Variants in AP3B1 observed in about 807,000 individuals in gnomAD.
AP3B1 encodes adaptor related protein complex 3 subunit beta 1, also known as AP-3 complex subunit beta-1.
Under a neutral mutation model 132.5 loss-of-function variants are expected in AP3B1, and 61 were observed. The observed-to-expected ratio is 0.46, with a 90% CI of 0.37 to 0.57. The LOEUF (loss-of-function observed/expected upper bound fraction) is 0.57, where lower values mean the gene tolerates loss of function less well. Among genes scored for constraint, AP3B1 ranks in the 20% least tolerant of loss-of-function variants. AP3B1 has a pLI of 0.00. For synonymous variants in AP3B1, 388 were observed against 438.3 expected, an observed-to-expected ratio of 0.89 and a Z score of 1.43; for missense variants, 1,120 against 1,289.4, an observed-to-expected ratio of 0.87 and a Z score of 2.01.
chr5:78,294,642 C>G lies in AP3B1; in HGVS notation c.-63G>C. On this transcript the variant is annotated 5_prime_UTR_variant, in exon 1 of 27. Transcript: ENST00000255194. The stretch of plus-strand genomic sequence containing the variant: ...GGGGTTCTCTCCAAAAGGTTCCAGT[C>G]CAGAGGGCACGGAACAAAACTAGTT... 6.2e-7 allele frequency: 1 copy of G among 1,610,272 alleles called. No individual in the cohort carries two copies. The highest frequency in any genetic ancestry group is 1.1e-5 in the South Asian group (1 of 91,000).
chr5:78,210,648 G>C (rs566823417), intron 7 of AP3B1, among the ~76,000 whole-genome samples: 1 of 152,000 alleles, frequency 6.6e-6, no homozygotes, highest in Non-Finnish European at 1.5e-5. Context: ...AAAATATTTT[G>C]ATAATTCTTG....
At chr5:78,101,576 C>CT (rs3836857) in intron 20 of AP3B1, among the ~76,000 whole-genome samples, 1 of 152,100 alleles carries the variant, frequency 6.6e-6, no homozygotes, top group East Asian at 1.9e-4. Flanking sequence ...CAGGCTCTTT[C>CT]TTTTTAGAGT....
intron 21 of AP3B1, among the ~76,000 whole-genome samples, chr5:78,092,084 G>A (rs1445992837): frequency 2.6e-5 from 4 of 152,124 alleles, no homozygotes; most frequent in African/African-American, 7.2e-5. Flanking sequence ...AACTTTTCAG[G>A]TAAGTTCTAA....
At chr5:78,097,114 G>T (rs1750862358) in intron 21 of AP3B1, among the ~76,000 whole-genome samples, 1 of 126,152 alleles carries the variant, frequency 7.9e-6, no homozygotes, top group Non-Finnish European at 1.6e-5. Flanking sequence ...GGAGGTAGGG[G>T]GTCAGCCCCC....
intron 14 of AP3B1, among the ~76,000 whole-genome samples, chr5:78,151,125 G>A (rs966459087): frequency 1.3e-5 from 2 of 152,156 alleles, no homozygotes; most frequent in Non-Finnish European, 2.9e-5. Context: ...TACCATGTTG[G>A]CCAGGCTGGT....
At chr5:78,026,879 C>T (rs943093151) in intron 24 of AP3B1, among the ~76,000 whole-genome samples, 1 of 152,092 alleles carries the variant, frequency 6.6e-6, no homozygotes, top group Non-Finnish European at 1.5e-5. Context: ...TGATGTTGAA[C>T]ATCTTTTTCA....
intron 1 of AP3B1, among the ~76,000 whole-genome samples, chr5:78,289,773 T>C (rs1425438267): frequency 2.0e-5 from 3 of 152,178 alleles, no homozygotes; most frequent in East Asian, 1.9e-4. Context: ...TGTTGTCCCC[T>C]GGGTTTTGTC....
intron 25 of AP3B1, among the ~76,000 whole-genome samples, chr5:78,016,388 C>T (rs1315499018): frequency 1.3e-5 from 2 of 151,942 alleles, no homozygotes; most frequent in Non-Finnish European, 2.9e-5. Flanking sequence ...GGAACAAATA[C>T]TGAAATTTAG....
intron 22 of AP3B1, among the ~76,000 whole-genome samples, chr5:78,041,070 T>C (rs938955098): frequency 6.6e-6 from 1 of 151,770 alleles, no homozygotes; most frequent in South Asian, 2.1e-4. Flanking sequence ...AGGTCCGGAG[T>C]CTGAGACCAG....
chr5:78,021,210 T>C (rs1747080230), intron 24 of AP3B1, among the ~76,000 whole-genome samples: 3 of 152,056 alleles, frequency 2.0e-5, no homozygotes, highest in African/African-American at 7.2e-5. Flanking sequence ...TTTTTAAAAA[T>C]ATTAGTTTTA....
intron 6 of AP3B1, among the ~76,000 whole-genome samples, chr5:78,220,736 CTG>C (rs754283601): frequency 7.3e-5 from 11 of 151,182 alleles, no homozygotes; most frequent in Non-Finnish European, 1.5e-4. Context: ...CCTTTGGAAA[CTG>C]TGAAATAACA....
chr5:78,122,800 C>G (rs545480126), intron 17 of AP3B1, among the ~76,000 whole-genome samples: 4 of 152,118 alleles, frequency 2.6e-5, no homozygotes, highest in South Asian at 2.1e-4. Context: ...CAATGCCATC[C>G]CCATCAAGCT....
chr5:78,017,542 A>G (rs1490589034), intron 25 of AP3B1, among the ~76,000 whole-genome samples: 1 of 152,070 alleles, frequency 6.6e-6, no homozygotes, highest in Non-Finnish European at 1.5e-5. Flanking sequence ...AGGGCCAGAA[A>G]ATAGTAAATG....
chr5:78,227,147 C>G (rs570702529), intron 5 of AP3B1, among the ~76,000 whole-genome samples: 11 of 152,286 alleles, frequency 7.2e-5, no homozygotes, highest in African/African-American at 2.6e-4. Context: ...ATCACAGGCT[C>G]TAACAGCCTC....
intron 19 of AP3B1, among the ~76,000 whole-genome samples, chr5:78,112,556 T>C (rs1751641299): frequency 6.6e-6 from 1 of 152,144 alleles, no homozygotes; most frequent in Non-Finnish European, 1.5e-5. Flanking sequence ...AACAAAACTT[T>C]CCCTTTCTAG....
chr5:78,119,968 C>T (rs1191397323), intron 17 of AP3B1, among the ~76,000 whole-genome samples: 1 of 152,204 alleles, frequency 6.6e-6, no homozygotes, highest in Non-Finnish European at 1.5e-5. Flanking sequence ...CAAAGGGAAG[C>T]CCATCAGACT....
intron 24 of AP3B1, among the ~76,000 whole-genome samples, chr5:78,032,299 C>T (rs1747614034): frequency 6.6e-6 from 1 of 152,162 alleles, no homozygotes. Flanking sequence ...TTTCTGAAGG[C>T]TTCTTATCAA....
intron 14 of AP3B1, among the ~76,000 whole-genome samples, chr5:78,153,440 A>G (rs1465785069): frequency 2.0e-5 from 3 of 150,522 alleles, no homozygotes; most frequent in Admixed American, 6.6e-5. Flanking sequence ...GTCTATGTCT[A>G]TCATTATAGG....
chr5:78,140,281 G>A (rs1341740423), intron 15 of AP3B1, among the ~76,000 whole-genome samples: 2 of 152,018 alleles, frequency 1.3e-5, no homozygotes, highest in Non-Finnish European at 2.9e-5. Context: ...GCAGGACAAG[G>A]TCCATACTAC....
Sources: gnomAD v4.1 joint callset for allele counts (sites outside exome capture counted in the v4.1 genomes callset) on GRCh38, gnomAD v4.1.1 for gene constraint, MANE v1.5 for transcripts, NCBI Gene and HGNC (gene_info 2026-07-23, HGNC 2026-07-21) for gene names.